ADAM23: variants seen among roughly 807,000 people sequenced by gnomAD.
The protein encoded by ADAM23 is disintegrin and metalloproteinase domain-containing protein 23.
Under a neutral mutation model 120.1 loss-of-function variants are expected in ADAM23, and 33 were observed. The observed-to-expected ratio is 0.27, with a 90% CI of 0.21 to 0.37. The LOEUF (loss-of-function observed/expected upper bound fraction) is 0.37, where lower values mean the gene tolerates loss of function less well. ADAM23 is among the 10% of genes least tolerant of loss of function. ADAM23 has a pLI of 1.00. For synonymous variants in ADAM23, 367 were observed against 375.2 expected, an observed-to-expected ratio of 0.98 and a Z score of 0.25; for missense variants, 862 against 1,058.2, an observed-to-expected ratio of 0.81 and a Z score of 2.57.
intron 3 of ADAM23, among the ~76,000 whole-genome samples, chr2:206,518,205 A>G (rs1696772403): frequency 6.6e-6 from 1 of 152,190 alleles, no homozygotes; most frequent in Non-Finnish European, 1.5e-5. Flanking sequence ...TTTAATTAGG[A>G]TAGAAGGAAT....
At chr2:206,605,934 G>A (rs1698720901) in intron 24 of ADAM23, 3 of 614,506 alleles carry the variant, frequency 4.9e-6, no homozygotes, top group Non-Finnish European at 8.6e-6. Context: ...GATGTGTGAG[G>A]CGATGCCTGT....
chr2:206,486,326 G>A (rs893221269), intron 3 of ADAM23, among the ~76,000 whole-genome samples: 7 of 149,382 alleles, frequency 4.7e-5, no homozygotes, highest in African/African-American at 1.7e-4. Context: ...CTAGGGTAAC[G>A]TTTCTTGTCT....
intron 3 of ADAM23, among the ~76,000 whole-genome samples, chr2:206,512,678 C>G (rs1439323281): frequency 1.1e-4 from 16 of 152,028 alleles, no homozygotes; most frequent in Non-Finnish European, 2.9e-5. Context: ...CAAAAAGCAT[C>G]TGGAAGTGCC....
intron 2 of ADAM23, among the ~76,000 whole-genome samples, chr2:206,474,599 T>C (rs927978315): frequency 6.6e-6 from 1 of 152,102 alleles, no homozygotes; most frequent in African/African-American, 2.4e-5. Flanking sequence ...TCTTTGAGAA[T>C]GGGTCTCATT....
Position 206,573,114 on chromosome 2 carries a change from G to T in ADAM23, c.1657-1G>T, listed in dbSNP as rs1451865997. 6.2e-7 allele frequency: 1 copy of T among 1,613,880 alleles called. No individual in the cohort carries two copies. Among genetic ancestry groups the T allele is most frequent in the Non-Finnish European group, 8.5e-7 (1 of 1,179,832 alleles). On this transcript the variant is annotated splice_acceptor_variant, in intron 17 of 25. Transcript: ENST00000264377. LOFTEE classifies it high-confidence loss of function. ...TCTTAATATTGAATTTTGATTTGCA[G>T]TTTCAGCCACGAGGGTATGAATGCC... is the stretch of plus-strand genomic sequence containing the variant.
intron 25 of ADAM23, 61 bp downstream of exon 25, chr2:206,610,061 A>G: frequency 1.4e-6 from 2 of 1,418,446 alleles, no homozygotes; most frequent in Non-Finnish European, 1.9e-6. Context: ...CTGCTTACAT[A>G]ACCAAGTTTT....
intron 3 of ADAM23, among the ~76,000 whole-genome samples, chr2:206,523,371 A>G (rs1696882774): frequency 6.6e-6 from 1 of 152,200 alleles, no homozygotes; most frequent in South Asian, 2.1e-4. Context: ...TTCTGTTCCT[A>G]TGAAATGTGC....
chr2:206,481,335 A>C, intron 3 of ADAM23, 27 bp downstream of exon 3: 1 of 1,522,498 alleles, frequency 6.6e-7, no homozygotes, highest in Non-Finnish European at 8.9e-7. Context: ...AATCTTCTTA[A>C]GAAGCAGGTG....
Position 206,564,999 on chromosome 2 carries a change from TTTA to T in ADAM23, c.1346-18_1346-16del. 1 of 1,612,848 alleles carries T rather than the reference TTTA, an allele frequency of 6.2e-7. No individual in the cohort carries two copies. Among genetic ancestry groups the T allele is most frequent in the Non-Finnish European group, 8.5e-7 (1 of 1,179,416 alleles). ...TTTGTTTCCTTTTTCTTCTGTTGCT[TTTA>T]TTGTTTTATTGGACCAGAATGTGAC... On this transcript the variant is annotated intron_variant, in intron 13 of 25. Coordinates refer to ENST00000264377, the MANE Select transcript of ADAM23 (RefSeq NM_003812.4).
At chr2:206,574,565 G>T (rs1283646057) in intron 18 of ADAM23, among the ~76,000 whole-genome samples, 1 of 152,000 alleles carries the variant, frequency 6.6e-6, no homozygotes, top group Non-Finnish European at 1.5e-5. Context: ...CTAATGTGCT[G>T]TTTTCAAACA....
chr2:206,576,183 G>A (rs919770362), intron 18 of ADAM23, among the ~76,000 whole-genome samples: 4 of 151,938 alleles, frequency 2.6e-5, no homozygotes, highest in African/African-American at 4.8e-5. Context: ...GTTTAATGAC[G>A]TGTATTGACA....
intron 2 of ADAM23, among the ~76,000 whole-genome samples, chr2:206,477,891 A>ATATATATATATAT (rs1229595648): frequency 1.1e-3 from 104 of 94,356 alleles, no homozygotes; most frequent in African/African-American, 2.0e-3. Context: ...AAAAAAAAAA[A>ATATATATATATAT]AAAAAAATAT....
At chr2:206,503,132 G>A (rs1483017365) in intron 3 of ADAM23, among the ~76,000 whole-genome samples, 1 of 152,166 alleles carries the variant, frequency 6.6e-6, no homozygotes, top group Non-Finnish European at 1.5e-5. Flanking sequence ...GGGCCAGTGT[G>A]TACTTAATTT....
intron 2 of ADAM23, among the ~76,000 whole-genome samples, chr2:206,471,142 T>A (rs969586428): frequency 6.6e-6 from 1 of 152,194 alleles, no homozygotes; most frequent in African/African-American, 2.4e-5. Flanking sequence ...TGCTCAGCCT[T>A]CTTTGATTAC....
At chr2:206,504,797 G>A (rs1360371436) in intron 3 of ADAM23, among the ~76,000 whole-genome samples, 2 of 152,128 alleles carry the variant, frequency 1.3e-5, no homozygotes, top group Non-Finnish European at 2.9e-5. Flanking sequence ...TGGACTTTCA[G>A]CCCATAGCTC....
intron 3 of ADAM23, among the ~76,000 whole-genome samples, chr2:206,484,537 A>G (rs978744677): frequency 3.3e-5 from 5 of 152,198 alleles, no homozygotes; most frequent in Admixed American, 6.6e-5. Context: ...GGTAGCACAG[A>G]ATAAGAACAG....
At chr2:206,581,810 T>C (rs926499931) in intron 18 of ADAM23, among the ~76,000 whole-genome samples, 2 of 152,228 alleles carry the variant, frequency 1.3e-5, no homozygotes, top group Non-Finnish European at 2.9e-5. Context: ...TCTAGTGCTG[T>C]CAGTGGAGTA....
intron 3 of ADAM23, among the ~76,000 whole-genome samples, chr2:206,530,409 A>G (rs1325105730): frequency 6.6e-6 from 1 of 152,150 alleles, no homozygotes; most frequent in Admixed American, 6.5e-5. Flanking sequence ...ATGACATTCC[A>G]ACTGTTTAGG....
chr2:206,443,834 G>A lies in ADAM23; in HGVS notation c.-33G>A. ...CGCAGCTAGCCCGGCGCTCTCGCCG[G>A]CCACACGGAGCGGCGCCCGGGAGCT... On this transcript the variant is annotated 5_prime_UTR_variant, in exon 1 of 26. Transcript: ENST00000264377. 1 of 1,078,704 alleles carries A rather than the reference G, an allele frequency of 9.3e-7. No individual in the cohort carries two copies. The highest frequency in any genetic ancestry group is 1.1e-6 in the Non-Finnish European group (1 of 890,992). 66.8% of individuals were successfully genotyped at this position (1,078,704 alleles called of 1,614,324 possible). A position where few individuals can be genotyped will look rare whatever the true frequency, so the allele number is the denominator to read the frequency against.
Sources: gnomAD v4.1 joint callset for allele counts (sites outside exome capture counted in the v4.1 genomes callset) on GRCh38, gnomAD v4.1.1 for gene constraint, MANE v1.5 for transcripts, NCBI Gene and HGNC (gene_info 2026-07-23, HGNC 2026-07-21) for gene names.